BDP1: variants seen among roughly 807,000 people sequenced by gnomAD.
BDP1 encodes transcription factor TFIIIB component B'' homolog.
A neutral mutation model predicts 266.6 loss-of-function variants in BDP1; 169 were observed. That is an observed-to-expected ratio of 0.63 (90% CI 0.56 to 0.72). The LOEUF (loss-of-function observed/expected upper bound fraction) is 0.72, where lower values mean the gene tolerates loss of function less well. BDP1 is among the 30% of genes least tolerant of loss of function. The pLI is 0.00. For synonymous variants in BDP1, 1,090 were observed against 1,022.4 expected (o/e 1.07, Z -1.26); for missense variants, 3,015 against 3,053.8 (o/e 0.99, Z 0.30).
At chr5:71,523,601 A>G (rs1038985579) in intron 24 of BDP1, among the ~76,000 whole-genome samples, 1 of 152,188 alleles carries the variant, frequency 6.6e-6, no homozygotes, top group Non-Finnish European at 1.5e-5. Context: ...GGCGTGAGCT[A>G]CTGCGCCCAG....
Position 71,544,394 on chromosome 5 carries a change from A to G in BDP1, c.6450A>G (p.Glu2150=), listed in dbSNP as rs1460294668. The G allele has an allele frequency of 1.9e-6, 3 of 1,612,796 alleles. No homozygotes were observed. The highest frequency in any genetic ancestry group is 2.5e-6 in the Non-Finnish European group (3 of 1,179,736). ...EKNASKATEL[E]NKNLGPVTTA... ...ATGCTTCCAAAGCAACAGAATTGGA[A>G]AATAAAAACCTCGGACCAGTTACAA... The change falls in exon 31 of 39, where the codon GAA becomes GAG. Residue 2150 remains glutamate, a synonymous_variant. Coordinates refer to ENST00000358731, the MANE Select transcript of BDP1 (RefSeq NM_018429.3).
chr5:71,575,372 G>T, the BDP1 span, among the ~76,000 whole-genome samples: 5 of 152,190 alleles, frequency 3.3e-5, no homozygotes, highest in African/African-American at 1.2e-4. Context: ...AACCCATATG[G>T]GTGGATCAAT....
intron 36 of BDP1, among the ~76,000 whole-genome samples, chr5:71,557,314 T>C (rs1411578884): frequency 6.7e-6 from 1 of 148,446 alleles, no homozygotes; most frequent in East Asian, 2.0e-4. Flanking sequence ...GCTCAAGCAA[T>C]CCTCCCACCT....
chr5:71,491,711 T>C (rs1763608958), intron 11 of BDP1, among the ~76,000 whole-genome samples: 1 of 150,614 alleles, frequency 6.6e-6, no homozygotes, highest in Non-Finnish European at 1.5e-5. Context: ...TCTTTCTTTG[T>C]TTTGTTTTGT....
intron 10 of BDP1, 111 bp from the exon 11 acceptor site, chr5:71,490,873 A>G: frequency 9.1e-7 from 1 of 1,093,028 alleles, no homozygotes; most frequent in Non-Finnish European, 1.2e-6. Flanking sequence ...AGGGACTTGA[A>G]TGTTGCTTAA....
At chr5:71,482,060 A>G (rs140864839) in intron 7 of BDP1, among the ~76,000 whole-genome samples, 3,794 of 152,270 alleles carry the variant, frequency 0.025, 72 homozygotes, top group South Asian at 0.073. Flanking sequence ...CTATTGTCAT[A>G]TGGTGTTTTA....
At chr5:71,539,466 A>T (rs1406164331) in intron 27 of BDP1, 91 bp from the exon 28 acceptor site, 2 of 941,578 alleles carry the variant, frequency 2.1e-6, no homozygotes, top group Non-Finnish European at 3.3e-6. Context: ...ATCTGCTCCT[A>T]GGAGATAAAC....
rs1743117307 is a variant in BDP1, at chr5:71,555,025, T to C, written c.7200+1705T>C. ...TTTCGGATTTTCAGCTTTGGGATGC[T>C]CAGCCTGTACAAAATTGTAGGATAC... On this transcript the variant is annotated intron_variant, in intron 35 of 38. Coordinates refer to ENST00000358731, the MANE Select transcript of BDP1 (RefSeq NM_018429.3). 2.0e-5 allele frequency among the ~76,000 whole-genome samples: 3 copies of C among 152,314 alleles called. No homozygotes were observed. The East Asian group carries it at 5.8e-4, about 29-fold the overall frequency.
chr5:71,525,237 G>C (rs1048160913), intron 25 of BDP1, among the ~76,000 whole-genome samples: 1 of 150,662 alleles, frequency 6.6e-6, no homozygotes, highest in Non-Finnish European at 1.5e-5. Context: ...CTCACCTCCC[G>C]GATGGGGTGG....
At chr5:71,562,950 A>C in intron 38 of BDP1, 1 of 1,201,294 alleles carries the variant, frequency 8.3e-7, no homozygotes, top group South Asian at 1.5e-5. Context: ...TTGTAAAAAT[A>C]TTGGGGTGAC....
intron 4 of BDP1, among the ~76,000 whole-genome samples, chr5:71,464,381 G>A (rs1326776485): frequency 6.6e-6 from 1 of 151,962 alleles, no homozygotes; most frequent in East Asian, 2.0e-4. Flanking sequence ...TGTAGTCCTA[G>A]TTATTCAGGA....
intron 7 of BDP1, among the ~76,000 whole-genome samples, chr5:71,478,216 T>C (rs1762715229): frequency 6.6e-6 from 1 of 152,116 alleles, no homozygotes; most frequent in African/African-American, 2.4e-5. Context: ...GCCATTGGAC[T>C]CTAGCCTGGG....
intron 19 of BDP1, among the ~76,000 whole-genome samples, chr5:71,513,958 C>T (rs535859132): frequency 3.9e-5 from 6 of 151,912 alleles, no homozygotes; most frequent in Admixed American, 2.6e-4. Flanking sequence ...CTCCTAACCT[C>T]GTGATCTGCC....
intron 7 of BDP1, among the ~76,000 whole-genome samples, chr5:71,476,713 C>T (rs576984064): frequency 1.3e-5 from 2 of 150,440 alleles, no homozygotes; most frequent in Non-Finnish European, 3.0e-5. Flanking sequence ...AGCTAATTTT[C>T]TTTTTTTTGA....
intron 4 of BDP1, among the ~76,000 whole-genome samples, chr5:71,464,952 C>T (rs549732192): frequency 4.1e-4 from 62 of 151,644 alleles, no homozygotes; most frequent in African/African-American, 1.2e-3. Context: ...CTCTTGACCT[C>T]GTGATCGGCC....
At chr5:71,559,480 A>C (rs569689262) in intron 36 of BDP1, among the ~76,000 whole-genome samples, 48 of 152,326 alleles carry the variant, frequency 3.2e-4, no homozygotes, top group African/African-American at 1.1e-3. Context: ...TTTTTTATTG[A>C]GCAAGAAAGC....
In BDP1 at chr5:71,512,291, AAG is replaced by A; in HGVS notation, c.4112_4113del (p.Arg1371LysfsTer3). 1.3e-6 allele frequency: 2 copies of A among 1,592,482 alleles called. No individual in the cohort carries two copies. The highest frequency in any genetic ancestry group is 1.7e-6 in the Non-Finnish European group (2 of 1,173,890). On this transcript the variant is annotated frameshift_variant, in exon 18 of 39. Coordinates refer to ENST00000358731, the MANE Select transcript of BDP1 (RefSeq NM_018429.3). LOFTEE classifies it high-confidence loss of function. ...TGATGCATACACCTGTAGAAGAAAA[AAG>A]AAATTCTGAAAAAGAAGTATCAAGT... Reference protein sequence around the residue: ...SMMHTPVEEKRNSEKEVSSHF... With the variant: ...SMMHTPVEEKXNSEKEVSSHF...
intron 35 of BDP1, 130 bp from the exon 36 acceptor site, chr5:71,556,756 T>C: frequency 6.1e-6 from 3 of 494,600 alleles, no homozygotes; most frequent in Non-Finnish European, 3.6e-6. Flanking sequence ...CATAAATGTT[T>C]AGTAGAATTC....
At chr5:71,467,248 T>G in intron 5 of BDP1, 106 bp from the exon 6 acceptor site, 2 of 902,216 alleles carry the variant, frequency 2.2e-6, no homozygotes, top group Non-Finnish European at 3.4e-6. Context: ...ATTATGCCTT[T>G]GATATGATTG....
Sources: gnomAD v4.1 joint callset for allele counts (sites outside exome capture counted in the v4.1 genomes callset) on GRCh38, gnomAD v4.1.1 for gene constraint, MANE v1.5 for transcripts, NCBI Gene and HGNC (gene_info 2026-07-23, HGNC 2026-07-21) for gene names.